CRY1: variants seen among roughly 807,000 people sequenced by gnomAD.
CRY1 encodes the protein cryptochrome circadian regulator 1.
A neutral mutation model predicts 76.0 loss-of-function variants in CRY1; 45 were observed. The ratio of observed to expected loss-of-function variants is 0.59; its 90% CI spans 0.47 to 0.76. The LOEUF (loss-of-function observed/expected upper bound fraction) is 0.76, where lower values mean the gene tolerates loss of function less well. Ranked by LOEUF, CRY1 falls within the 30% of genes least tolerant of loss-of-function variation. The probability of loss-of-function intolerance (pLI) is 0.00; values close to 1 mark genes in which losing one functional copy is unlikely to be tolerated. For missense variants in CRY1, 587 were observed against 716.4 expected (o/e 0.82, Z 2.06); for synonymous variants, 248 against 244.0 (o/e 1.02, Z -0.15).
intron 1 of CRY1, among the ~76,000 whole-genome samples, chr12:107,060,125 T>C (rs1322832370): frequency 1.3e-5 from 2 of 152,198 alleles, no homozygotes; most frequent in Admixed American, 6.5e-5. Flanking sequence ...TTCCCCAATA[T>C]AGTATGCTAA....
At chr12:107,060,903 G>A (rs377340493) in intron 1 of CRY1, among the ~76,000 whole-genome samples, 12 of 152,196 alleles carry the variant, frequency 7.9e-5, no homozygotes, top group Middle Eastern at 3.4e-3. Context: ...GCTTGAACCC[G>A]GGAGGCGGAA....
In CRY1 at chr12:107,045,768, T is replaced by C. The variant is rs376320870; in HGVS notation, c.159-23576A>G. 5.9e-4 allele frequency among the ~76,000 whole-genome samples: 90 copies of C among 152,030 alleles called. No individual in the cohort carries two copies. The East Asian group carries it at 0.014, about 23-fold the overall frequency. On this transcript the variant is annotated intron_variant, in intron 1 of 12. Coordinates refer to ENST00000008527, the MANE Select transcript of CRY1 (RefSeq NM_004075.5). ...TGGGGGAACTGAACAATGAGAACAC[T>C]TGGACACAGGAAGGGGGACATCACA...
intron 1 of CRY1, among the ~76,000 whole-genome samples, chr12:107,044,639 ATT>A (rs1952830933): frequency 6.6e-6 from 1 of 152,248 alleles, no homozygotes; most frequent in African/African-American, 2.4e-5. Flanking sequence ...CAGGAAAACA[ATT>A]CACAATATAA....
intron 1 of CRY1, among the ~76,000 whole-genome samples, chr12:107,029,104 A>G (rs1396393309): frequency 6.6e-6 from 1 of 152,168 alleles, no homozygotes; most frequent in Non-Finnish European, 1.5e-5. Context: ...GGGTCTCGTT[A>G]TGTTGCCCAG....
rs376481411 is a variant in CRY1, at chr12:107,060,745, G to A, written c.158+32059C>T. Reference sequence around the variant, plus strand: ...GTGGCTCACGCCTGTAATCCCAGCCGAGGTGGGCGGATCACGAGGTCAGGA... The same window carrying A: ...GTGGCTCACGCCTGTAATCCCAGCCAAGGTGGGCGGATCACGAGGTCAGGA... On this transcript the variant is annotated intron_variant, in intron 1 of 12. Transcript: ENST00000008527. 3.0e-3 allele frequency among the ~76,000 whole-genome samples: 449 copies of A among 152,104 alleles called. 4 individuals carry two copies. Among genetic ancestry groups the A allele is most frequent in the Middle Eastern group, 0.017 (5 of 292 alleles).
At chr12:107,019,695 T>C (rs1219925836) in intron 2 of CRY1, among the ~76,000 whole-genome samples, 2 of 151,812 alleles carry the variant, frequency 1.3e-5, no homozygotes, top group African/African-American at 2.4e-5. Flanking sequence ...CTTTGGGAGG[T>C]TGAAGGAGGA....
chr12:107,035,025 T>C (rs1208254567), intron 1 of CRY1, among the ~76,000 whole-genome samples: 1 of 152,168 alleles, frequency 6.6e-6, no homozygotes, highest in African/African-American at 2.4e-5. Context: ...GTATAAGATA[T>C]ACTTCTAGGA....
chr12:107,053,357 C>T (rs973820049), intron 1 of CRY1, among the ~76,000 whole-genome samples: 1 of 152,028 alleles, frequency 6.6e-6, no homozygotes, highest in Non-Finnish European at 1.5e-5. Context: ...ACTCTTGCTG[C>T]CCAGGCTGGA....
chr12:107,026,430 C>T (rs920833466), intron 1 of CRY1, among the ~76,000 whole-genome samples: 16 of 151,856 alleles, frequency 1.1e-4, no homozygotes, highest in Non-Finnish European at 1.5e-4. Context: ...GATAGGGTTT[C>T]ACCATGTTGG....
intron 7 of CRY1, among the ~76,000 whole-genome samples, chr12:106,998,314 G>C (rs1244438702): frequency 6.6e-6 from 1 of 152,130 alleles, no homozygotes; most frequent in Non-Finnish European, 1.5e-5. Flanking sequence ...GTTACTGGGA[G>C]AATGGAAGGT....
At chr12:107,010,662 T>C (rs1316255571) in intron 2 of CRY1, among the ~76,000 whole-genome samples, 30 of 152,140 alleles carry the variant, frequency 2.0e-4, no homozygotes, top group Non-Finnish European at 1.5e-5. Flanking sequence ...CAGGCTGGTC[T>C]TGAACTCCTG....
intron 2 of CRY1, among the ~76,000 whole-genome samples, chr12:107,015,357 T>G (rs1952488345): frequency 1.4e-5 from 2 of 142,688 alleles, no homozygotes; most frequent in African/African-American, 5.1e-5. Flanking sequence ...TTTTTTTTTT[T>G]GAGACAAGGT....
At chr12:107,019,487 A>G (rs747632050) in intron 2 of CRY1, among the ~76,000 whole-genome samples, 1 of 152,220 alleles carries the variant, frequency 6.6e-6, no homozygotes, top group Admixed American at 6.5e-5. Context: ...TGCCAAATTG[A>G]TAAGATAGGA....
intron 1 of CRY1, among the ~76,000 whole-genome samples, chr12:107,040,287 G>GTTT (rs58899017): frequency 5.1e-5 from 6 of 117,678 alleles, no homozygotes; most frequent in Admixed American, 1.8e-4. Context: ...TTTTTTTTTA[G>GTTT]TTTTTTTTTT....
chr12:107,023,866 G>C (rs147102754), intron 1 of CRY1, among the ~76,000 whole-genome samples: 1,894 of 152,272 alleles, frequency 0.012, 33 homozygotes, highest in African/African-American at 0.043. Flanking sequence ...GAAGACTGTT[G>C]TTGTTAGATG....
chr12:107,042,180 G>C (rs1952806235), intron 1 of CRY1, among the ~76,000 whole-genome samples: 1 of 152,140 alleles, frequency 6.6e-6, no homozygotes, highest in Admixed American at 6.5e-5. Context: ...CTTCATTACA[G>C]AAGAATTCCA....
chr12:107,022,193 C>T lies in CRY1; in HGVS notation c.159-1G>A, dbSNP rs1337706306. Reference sequence around the variant, plus strand: ...ATCCTCAAGACACTGAAGCAAAAATCTAGAGAGAAGAAAGTATTATTTAAA... The same window carrying T: ...ATCCTCAAGACACTGAAGCAAAAATTTAGAGAGAAGAAAGTATTATTTAAA... On this transcript the variant is annotated splice_acceptor_variant, in intron 1 of 12. Coordinates refer to ENST00000008527, the MANE Select transcript of CRY1 (RefSeq NM_004075.5). LOFTEE classifies it high-confidence loss of function. 5.3e-6 allele frequency: 8 copies of T among 1,518,738 alleles called. No homozygotes were observed. The highest frequency in any genetic ancestry group is 7.2e-6 in the Non-Finnish European group (8 of 1,113,596). The allele number at this position is 1,518,738 out of a possible 1,614,324, so 94.1% of individuals were successfully genotyped here.
At chr12:107,044,446 T>C (rs748603766) in intron 1 of CRY1, among the ~76,000 whole-genome samples, 2 of 152,148 alleles carry the variant, frequency 1.3e-5, no homozygotes, top group Admixed American at 6.5e-5. Flanking sequence ...ATGGAGACTA[T>C]ACCACTGCAC....
chr12:107,047,215 A>C (rs545725840), intron 1 of CRY1, among the ~76,000 whole-genome samples: 1 of 152,356 alleles, frequency 6.6e-6, no homozygotes, highest in East Asian at 1.9e-4. Context: ...AAATCACTAC[A>C]AGAACTTTTG....
Sources: gnomAD v4.1 joint callset for allele counts (sites outside exome capture counted in the v4.1 genomes callset) on GRCh38, gnomAD v4.1.1 for gene constraint, MANE v1.5 for transcripts, NCBI Gene and HGNC (gene_info 2026-07-23, HGNC 2026-07-21) for gene names.